Variants in WNT2 observed in about 807,000 individuals in gnomAD.
WNT2 encodes protein Wnt-2.
Under a neutral mutation model 36.9 loss-of-function variants are expected in WNT2, and 12 were observed. The observed-to-expected ratio is 0.33, with a 90% CI of 0.21 to 0.53. The LOEUF (loss-of-function observed/expected upper bound fraction) is 0.53, where lower values mean the gene tolerates loss of function less well. WNT2 is among the 20% of genes least tolerant of loss of function. The probability of loss-of-function intolerance (pLI) is 0.95; values close to 1 mark genes in which losing one functional copy is unlikely to be tolerated. For synonymous variants in WNT2, 163 were observed against 174.6 expected, an observed-to-expected ratio of 0.93 and a Z score of 0.52; for missense variants, 379 against 473.1, an observed-to-expected ratio of 0.80 and a Z score of 1.84.
At chr7:117,278,717 T>C (rs1381515070) in intron 4 of WNT2, among the ~76,000 whole-genome samples, 1 of 152,246 alleles carries the variant, frequency 6.6e-6, no homozygotes, top group African/African-American at 2.4e-5. Context: ...TTAAGGATCC[T>C]TGATCGAGCA....
At chr7:117,293,749 T>C (rs1794735391) in intron 4 of WNT2, among the ~76,000 whole-genome samples, 1 of 152,118 alleles carries the variant, frequency 6.6e-6, no homozygotes, top group Admixed American at 6.5e-5. Flanking sequence ...ACGGTGGGGT[T>C]GGGGGCCTCG....
Position 117,322,776 on chromosome 7 carries a change from G to A in WNT2, c.83+131C>T, listed in dbSNP as rs1449706023. ...CTCACCATGGGGCGATAAGAGGGCAGTAGCCAGGGTTCGGGCCAGAATCCG... is the reference window on the plus strand; with the variant it reads ...CTCACCATGGGGCGATAAGAGGGCAATAGCCAGGGTTCGGGCCAGAATCCG... On this transcript the variant is annotated intron_variant, in intron 1 of 4. Transcript: ENST00000265441. This position sits in a 1 kb window ranked among gnomAD's most constrained non-coding sequence, Gnocchi z 5.4. 5.9e-6 allele frequency: 5 copies of A among 846,916 alleles called. No homozygotes were observed. In the African/African-American group the frequency reaches 8.4e-5, roughly 14 times the overall value. 52.5% of individuals were successfully genotyped at this position (846,916 alleles called of 1,614,324 possible). A position where few individuals can be genotyped will look rare whatever the true frequency, so the allele number is the denominator to read the frequency against.
intron 3 of WNT2, among the ~76,000 whole-genome samples, chr7:117,308,690 T>C (rs1376280614): frequency 6.6e-6 from 1 of 152,110 alleles, no homozygotes; most frequent in African/African-American, 2.4e-5. Context: ...TGCTCAAGAT[T>C]GTTGAAGGGA....
intron 4 of WNT2, among the ~76,000 whole-genome samples, chr7:117,289,718 C>A (rs750175253): frequency 1.3e-5 from 2 of 152,206 alleles, no homozygotes; most frequent in African/African-American, 2.4e-5. Context: ...ACAGTTCCTG[C>A]CGTCACAGGA....
At chr7:117,309,043 A>T (rs1364997419) in intron 3 of WNT2, among the ~76,000 whole-genome samples, 6 of 151,360 alleles carry the variant, frequency 4.0e-5, no homozygotes, top group Non-Finnish European at 7.4e-5. Context: ...AAAAAAAAAA[A>T]TTAGTTGAGC....
At chr7:117,278,697 A>G (rs987109387) in intron 4 of WNT2, among the ~76,000 whole-genome samples, 1 of 152,208 alleles carries the variant, frequency 6.6e-6, no homozygotes, top group Non-Finnish European at 1.5e-5. Flanking sequence ...ATCCTTACCC[A>G]GCCTTGAATT....
rs113165094 is a variant in WNT2 at position 117,290,878 on chromosome 7, C to A, written c.853+6734G>T. 7.2e-3 allele frequency among the ~76,000 whole-genome samples: 1,102 copies of A among 152,260 alleles called. 15 individuals are homozygous for A. Among genetic ancestry groups the A allele is most frequent in the African/African-American group, 0.025 (1,035 of 41,534 alleles). On this transcript the variant is annotated intron_variant, in intron 4 of 4. Coordinates refer to ENST00000265441, the MANE Select transcript of WNT2 (RefSeq NM_003391.3). ...AGGAGGATCTCAATCAATATTTGTG[C>A]AATGAAGAAATGAGGGACTTAAGGT...
chr7:117,297,661 G>T lies in WNT2; in HGVS notation c.804C>A (p.Leu268=). The T allele has an allele frequency of 6.2e-7, 1 of 1,613,958 alleles. No individual in the cohort carries two copies. Among genetic ancestry groups the T allele is most frequent in the South Asian group, 1.1e-5 (1 of 91,062 alleles). The change falls in exon 4 of 5, where the codon CTC becomes CTA. Residue 268 remains leucine (L), a synonymous_variant. Transcript: ENST00000265441. ...AGTCTGGAGAATTCTCAAAATACAC[G>T]AGGTCATTTTTCGTTGGCTTCTTAA... ...ERFKKPTKND[L]VYFENSPDYC...
chr7:117,317,237 A>T (rs1221184993), intron 2 of WNT2, among the ~76,000 whole-genome samples: 2 of 152,240 alleles, frequency 1.3e-5, no homozygotes, highest in Non-Finnish European at 2.9e-5. Context: ...CAGTATTTCG[A>T]AAGCAACAAG....
chr7:117,285,537 T>A (rs188476819), intron 4 of WNT2, among the ~76,000 whole-genome samples: 1 of 152,350 alleles, frequency 6.6e-6, no homozygotes, highest in East Asian at 1.9e-4. Flanking sequence ...CCAACAGCCA[T>A]CTTGATCTTT....
At chr7:117,301,240 G>T (rs1276178798) in intron 3 of WNT2, among the ~76,000 whole-genome samples, 1 of 152,112 alleles carries the variant, frequency 6.6e-6, no homozygotes, top group Admixed American at 6.5e-5. Context: ...CATGTTCAGT[G>T]CTCAATTGCA....
intron 2 of WNT2, 113 bp from the exon 3 acceptor site, chr7:117,315,461 A>C: frequency 9.1e-7 from 1 of 1,102,974 alleles, no homozygotes. Context: ...GCCACTAGAC[A>C]ACAAGGTACT....
intron 3 of WNT2, chr7:117,300,928 G>A (rs1046142510): frequency 1.7e-4 from 26 of 152,394 alleles, no homozygotes; most frequent in African/African-American, 6.3e-4. Flanking sequence ...GCAAGCTGCA[G>A]GCACACTTGA....
chr7:117,303,296 C>G (rs572058261), intron 3 of WNT2, among the ~76,000 whole-genome samples: 2 of 152,330 alleles, frequency 1.3e-5, no homozygotes, highest in Admixed American at 6.5e-5. Context: ...CATTACATTT[C>G]TAAGAACGGG....
At chr7:117,316,900 T>A (rs1174950847) in intron 2 of WNT2, among the ~76,000 whole-genome samples, 1 of 152,230 alleles carries the variant, frequency 6.6e-6, no homozygotes, top group Non-Finnish European at 1.5e-5. Flanking sequence ...GGAATTGAGA[T>A]GTTTTGTAAA....
rs1007688079 is a variant in WNT2 at position 117,277,806 on chromosome 7, C to T, written c.*349G>A. On this transcript the variant is annotated 3_prime_UTR_variant, in exon 5 of 5. Coordinates refer to ENST00000265441, the MANE Select transcript of WNT2 (RefSeq NM_003391.3). ...AAGCTCCTTTGAGACACTTTTTTTT[C>T]TGCTTGGCCAACTGCTCTAGAAAGA... 16 of 229,666 alleles carry T rather than the reference C, an allele frequency of 7.0e-5. No homozygotes were observed. Among genetic ancestry groups the T allele is most frequent in the African/African-American group, 3.6e-4 (16 of 44,772 alleles). 14.2% of individuals were successfully genotyped at this position (229,666 alleles called of 1,614,324 possible).
At position 117,315,192 on chromosome 7, in the gene WNT2, C is replaced by T; in HGVS notation, c.467G>A (p.Gly156Asp). Residue 156 changes from glycine (G) to aspartate (D), a missense_variant, in exon 3 of 5, where the codon GGC (glycine) becomes GAC (aspartate). Gly to Asp is a moderately conservative substitution (Grantham distance 94). Transcript: ENST00000265441. Reference sequence around the variant, plus strand: ...CCCATAGTCAATGTTATCACTGCAGCCACCCCAATCAAAAATGCCTTTGCT... The same window carrying T: ...CCCATAGTCAATGTTATCACTGCAGTCACCCCAATCAAAAATGCCTTTGCT... ...KDSKGIFDWG[G>D]CSDNIDYGIK... 6.2e-7 allele frequency: 1 copy of T among 1,614,158 alleles called. No individual in the cohort carries two copies. Among genetic ancestry groups the T allele is most frequent in the Non-Finnish European group, 8.5e-7 (1 of 1,180,024 alleles).
Position 117,278,024 on chromosome 7 carries a change from G to A in WNT2, c.*131C>T. The A allele has an allele frequency of 2.9e-6, 3 of 1,043,170 alleles. No individual in the cohort carries two copies. Among genetic ancestry groups the A allele is most frequent in the South Asian group, 3.2e-5 (2 of 61,964 alleles). 64.6% of individuals were successfully genotyped at this position (1,043,170 alleles called of 1,614,324 possible). On this transcript the variant is annotated 3_prime_UTR_variant, in exon 5 of 5. Transcript: ENST00000265441. ...TCCTGGGGCCCCCAGGGAGGAAGAG[G>A]GGGCTTCCGTTGAGATAAAGGCCAC...
chr7:117,310,265 A>C (rs1443447413), intron 3 of WNT2, among the ~76,000 whole-genome samples: 1 of 152,146 alleles, frequency 6.6e-6, no homozygotes, highest in Non-Finnish European at 1.5e-5. Context: ...GTCTCTGCAC[A>C]GTATTTGAGA....
Sources: allele counts gnomAD v4.1 joint callset (sites outside exome capture counted in the v4.1 genomes callset), GRCh38; gene constraint gnomAD v4.1.1; non-coding constraint Gnocchi (gnomAD v3.1); transcripts MANE v1.5; gene names NCBI Gene and HGNC (gene_info 2026-07-23, HGNC 2026-07-21).